CTNNA3: variants seen among roughly 807,000 people sequenced by gnomAD.
CTNNA3 encodes the protein catenin alpha-3.
CTNNA3 carries 76 observed loss-of-function variants against 95.7 expected under a neutral mutation model. That is an observed-to-expected ratio of 0.79 (90% CI 0.66 to 0.96). CTNNA3 has a LOEUF of 0.96. CTNNA3 is among the 40% of genes least tolerant of loss of function. The probability of loss-of-function intolerance (pLI) is 0.00; values close to 1 mark genes in which losing one functional copy is unlikely to be tolerated. For synonymous variants in CTNNA3, 431 were observed against 374.4 expected (o/e 1.15, Z -1.74); for missense variants, 1,191 against 1,089.8 (o/e 1.09, Z -1.31).
At chr10:67,521,152 T>C (rs1839972209) in intron 5 of CTNNA3, among the ~76,000 whole-genome samples, 1 of 152,194 alleles carries the variant, frequency 6.6e-6, no homozygotes, top group African/African-American at 2.4e-5. Context: ...CTGGAGCAGA[T>C]TCAGCCTAGG....
intron 13 of CTNNA3, among the ~76,000 whole-genome samples, chr10:66,219,526 A>G (rs962691973): frequency 2.0e-5 from 3 of 152,178 alleles, no homozygotes; most frequent in African/African-American, 7.2e-5. Context: ...TTAAAGAAAG[A>G]CATGATGTAA....
chr10:66,904,893 A>T (rs1387065169), intron 7 of CTNNA3, among the ~76,000 whole-genome samples: 1 of 152,182 alleles, frequency 6.6e-6, no homozygotes, highest in Non-Finnish European at 1.5e-5. Flanking sequence ...GAGGATGTGG[A>T]GAAATAGGAA....
chr10:66,111,662 T>C (rs1589434382), intron 13 of CTNNA3, among the ~76,000 whole-genome samples: 1 of 152,246 alleles, frequency 6.6e-6, no homozygotes, highest in East Asian at 1.9e-4. Context: ...AGTTATATGA[T>C]TTGAGACTGA....
chr10:67,031,336 T>C (rs1853713716), intron 7 of CTNNA3, among the ~76,000 whole-genome samples: 1 of 152,136 alleles, frequency 6.6e-6, no homozygotes, highest in South Asian at 2.1e-4. Context: ...AGAAGTCAAG[T>C]GGTTTGCAGA....
rs1442864177 is a variant in CTNNA3 at position 67,236,383 on chromosome 10, T to C, written c.580-16513A>G. ...GTAGGGACATGGATGAAATTGGAAA[T>C]CATCATTCTCAGCAAACTATCGCAA... On this transcript the variant is annotated intron_variant, in intron 5 of 17. Coordinates refer to ENST00000433211, the MANE Select transcript of CTNNA3 (RefSeq NM_013266.4). Among the ~76,000 whole-genome samples the C allele has an allele frequency of 2.0e-5, 3 of 151,076 alleles. No individual in the cohort carries two copies. In the East Asian group the frequency reaches 6.0e-4, roughly 30 times the overall value.
At chr10:66,025,994 C>T (rs2079325443) in intron 15 of CTNNA3, among the ~76,000 whole-genome samples, 2 of 152,112 alleles carry the variant, frequency 1.3e-5, no homozygotes, top group Admixed American at 1.3e-4. Flanking sequence ...ATGTGAGTGC[C>T]ATTGTCTAAT....
intron 10 of CTNNA3, among the ~76,000 whole-genome samples, chr10:66,583,273 T>TTTTGTTTGTTTTGTTTTG (rs1440904860): frequency 2.7e-5 from 4 of 146,996 alleles, no homozygotes; most frequent in Non-Finnish European, 6.0e-5. Context: ...CTTGGACTGT[T>TTTTGTTTGTTTTGTTTTG]TTTGTTTGTT....
intron 13 of CTNNA3, among the ~76,000 whole-genome samples, chr10:66,217,378 C>A (rs1360735580): frequency 6.6e-6 from 1 of 150,886 alleles, no homozygotes; most frequent in African/African-American, 2.4e-5. Flanking sequence ...AGAAAGGAGT[C>A]ATACAATATA....
intron 15 of CTNNA3, among the ~76,000 whole-genome samples, chr10:65,998,459 A>T (rs765307873): frequency 3.3e-5 from 5 of 152,168 alleles, no homozygotes; most frequent in African/African-American, 7.2e-5. Context: ...CATATTTCCT[A>T]ACTCTCTACT....
At chr10:66,335,771 A>G (rs2092387876) in intron 12 of CTNNA3, among the ~76,000 whole-genome samples, 1 of 152,140 alleles carries the variant, frequency 6.6e-6, no homozygotes, top group Non-Finnish European at 1.5e-5. Flanking sequence ...AGACAGGGAC[A>G]TTTAAGTCTG....
intron 5 of CTNNA3, among the ~76,000 whole-genome samples, chr10:67,224,438 T>C (rs905233089): frequency 3.3e-5 from 5 of 152,188 alleles, no homozygotes; most frequent in African/African-American, 9.6e-5. Flanking sequence ...AGGTGAATCT[T>C]AAACAGTGAG....
Position 66,153,374 on chromosome 10 carries a change from C to T in CTNNA3, c.1885-50125G>A, listed in dbSNP as rs185066986. ...TATTGTATCCAAGTCATTATTTCTG[C>T]ATTCTCTAATATTCCTCCAAAGAAA... On this transcript the variant is annotated intron_variant, in intron 13 of 17. Coordinates refer to ENST00000433211, the MANE Select transcript of CTNNA3 (RefSeq NM_013266.4). 3.5e-3 allele frequency among the ~76,000 whole-genome samples: 530 copies of T among 151,998 alleles called. 6 individuals carry two copies. The highest frequency in any genetic ancestry group is 0.034 in the Middle Eastern group (10 of 294).
upstream of CTNNA3, among the ~76,000 whole-genome samples, chr10:67,700,935 G>A (rs1377965982): frequency 1.3e-5 from 2 of 152,204 alleles, no homozygotes; most frequent in African/African-American, 2.4e-5. Flanking sequence ...GCTTAAAGGA[G>A]CTGATGGAGC....
chr10:66,496,186 G>A (rs190349172), intron 11 of CTNNA3, among the ~76,000 whole-genome samples: 6 of 152,108 alleles, frequency 3.9e-5, no homozygotes, highest in Admixed American at 3.9e-4. Context: ...TTACTCTAAG[G>A]AAACAGGTTT....
chr10:66,529,687 G>C (rs1019778326), intron 10 of CTNNA3, among the ~76,000 whole-genome samples: 8 of 152,032 alleles, frequency 5.3e-5, no homozygotes, highest in Non-Finnish European at 1.2e-4. Context: ...TGCCGGGCAT[G>C]TTTCTAATTA....
At chr10:66,063,800 A>C (rs1398031629) in intron 15 of CTNNA3, among the ~76,000 whole-genome samples, 2 of 151,986 alleles carry the variant, frequency 1.3e-5, no homozygotes, top group African/African-American at 4.8e-5. Context: ...TCATTATTGT[A>C]AAGATGTCTT....
At chr10:67,001,630 G>T (rs1851698582) in intron 7 of CTNNA3, among the ~76,000 whole-genome samples, 1 of 152,014 alleles carries the variant, frequency 6.6e-6, no homozygotes, top group African/African-American at 2.4e-5. Flanking sequence ...TACTCAAAAA[G>T]AATAATTTTA....
chr10:67,383,502 C>G (rs1357858299), intron 5 of CTNNA3, among the ~76,000 whole-genome samples: 1 of 152,202 alleles, frequency 6.6e-6, no homozygotes. Context: ...ATTCTCACCA[C>G]TACATAATGT....
chr10:67,726,158 T>G (rs1356051014), intron 1 of CTNNA3, among the ~76,000 whole-genome samples: 2 of 102,724 alleles, frequency 1.9e-5, no homozygotes, highest in East Asian at 5.8e-4. Flanking sequence ...TATTATAATA[T>G]ATAATCTTAT....
Sources: gnomAD v4.1 joint callset for allele counts (sites outside exome capture counted in the v4.1 genomes callset) on GRCh38, gnomAD v4.1.1 for gene constraint, MANE v1.5 for transcripts, NCBI Gene and HGNC (gene_info 2026-07-23, HGNC 2026-07-21) for gene names.